The following ANAPC5 variants were observed in gnomAD, a reference collection of about 807,000 sequenced individuals.
ANAPC5 encodes anaphase-promoting complex subunit 5.
In ANAPC5, 60 loss-of-function variants were observed where a neutral mutation model predicts 91.3. The ratio of observed to expected loss-of-function variants is 0.66; its 90% CI spans 0.53 to 0.81. The LOEUF is 0.81. Ranked by LOEUF, ANAPC5 falls within the 40% of genes least tolerant of loss-of-function variation. The pLI is 0.00. For synonymous variants in ANAPC5, 340 were observed against 364.1 expected (o/e 0.93, Z 0.75); for missense variants, 690 against 931.5 (o/e 0.74, Z 3.37).
Position 121,345,970 on chromosome 12 carries a change from T to C in ANAPC5, c.459A>G (p.Lys153=). The change falls in exon 4 of 17, where the codon AAA becomes AAG. Residue 153 remains lysine (K), a synonymous_variant. Coordinates refer to ENST00000261819, the MANE Select transcript of ANAPC5 (RefSeq NM_016237.5). ...AGTACTGCTGAAGGGCAGTGTACAG[T>C]TTAAACACTTGGCTGAAAGAAAGCT... ...YSKLSFSQVF[K]LYTALQQYFQ... is the part of the protein sequence containing the mutation. 6.2e-7 allele frequency: 1 copy of C among 1,612,692 alleles called. No homozygotes were observed.
In ANAPC5 at chr12:121,309,774, A is replaced by C; in HGVS notation, c.1983T>G (p.Gly661=). The change falls in exon 16 of 17, where the codon GGT becomes GGG. Residue 661 remains glycine (G), a synonymous_variant. Transcript: ENST00000261819. ...ACTTGGCCACTAAGAACATGGCACG[A>C]CCTTTGTCCAGGATAGCCCCGTCAG... The part of the protein sequence containing the change: ...ILADGAILDK[G]RAMFLVAKCQ... 1 of 1,614,162 alleles carries C rather than the reference A, an allele frequency of 6.2e-7. No individual in the cohort carries two copies. Among genetic ancestry groups the C allele is most frequent in the Non-Finnish European group, 8.5e-7 (1 of 1,180,030 alleles).
At chr12:121,322,671 A>G (rs77154669) in intron 11 of ANAPC5, among the ~76,000 whole-genome samples, 7,283 of 152,276 alleles carry the variant, frequency 0.048, 411 homozygotes, top group East Asian at 0.14. Context: ...AAATGCTACA[A>G]TGAATATCTT....
chr12:121,348,648 G>C (rs1356333761), intron 1 of ANAPC5, among the ~76,000 whole-genome samples: 1 of 152,064 alleles, frequency 6.6e-6, no homozygotes, highest in Non-Finnish European at 1.5e-5. Flanking sequence ...CTGGGCGACA[G>C]AGCAAGACTC....
rs1903489873 is a variant in ANAPC5 at position 121,342,299 on chromosome 12, T to C, written c.591-230A>G. Among the ~76,000 whole-genome samples the C allele has an allele frequency of 6.6e-6, 1 of 152,140 alleles. No individual in the cohort carries two copies. Among genetic ancestry groups the C allele is most frequent in the Non-Finnish European group, 1.5e-5 (1 of 68,028 alleles). On this transcript the variant is annotated intron_variant, in intron 4 of 16. Transcript: ENST00000261819. The surrounding 1 kb of genome is among the most constrained non-coding windows in gnomAD (Gnocchi z 4.1). ...TTTTTGGCAACAGTGCCAAGACCAT[T>C]TGATAGGGAAAGGACAGCCTTTCCA...
intron 15 of ANAPC5, among the ~76,000 whole-genome samples, chr12:121,311,289 C>T (rs1902159678): frequency 6.6e-6 from 1 of 152,012 alleles, no homozygotes; most frequent in Non-Finnish European, 1.5e-5. Context: ...CACAAATCAG[C>T]TGAAAGTAAA....
chr12:121,352,465 G>A (rs1357838346), upstream of ANAPC5: 3 of 776,438 alleles, frequency 3.9e-6, no homozygotes, highest in Non-Finnish European at 6.1e-6. Flanking sequence ...ACATCCGCGT[G>A]CTCGCGGCAT....
chr12:121,345,048 A>T lies in ANAPC5; in HGVS notation c.590+791T>A, dbSNP rs574994774. 3.9e-5 allele frequency among the ~76,000 whole-genome samples: 6 copies of T among 152,300 alleles called. No homozygotes were observed. In the East Asian group the frequency reaches 7.7e-4, roughly 20 times the overall value. ...CAGATTTGGTGAGTAGATTTGGTAG[A>T]GATTGGGTGCTTAGACTCCAGGGGT... is the stretch of plus-strand genomic sequence containing the variant. On this transcript the variant is annotated intron_variant, in intron 4 of 16. Transcript: ENST00000261819.
intron 15 of ANAPC5, among the ~76,000 whole-genome samples, chr12:121,314,622 C>G (rs559397774): frequency 9.3e-5 from 14 of 150,500 alleles, no homozygotes; most frequent in Non-Finnish European, 1.6e-4. Flanking sequence ...TAAGGACATA[C>G]ACTTTTTTTT....
chr12:121,352,394 ACAAGGCACAACACTACCGGGTCTACATCT>A (rs1903939220), exon 1 of ANAPC5: 1 of 1,397,804 alleles, frequency 7.2e-7, no homozygotes, highest in Non-Finnish European at 9.9e-7. Context: ...AGTTGTCACC[ACAAGGCACAACACTACCGGGTCTACATCT>A]CCGCCCGCCC....
intron 7 of ANAPC5, chr12:121,334,708 T>C (rs1406192277): frequency 1.3e-5 from 2 of 152,232 alleles, no homozygotes; most frequent in Non-Finnish European, 2.9e-5. Flanking sequence ...GAATTCTACC[T>C]GAAAGCAAAC....
chr12:121,314,593 T>C (rs1000707917), intron 15 of ANAPC5, among the ~76,000 whole-genome samples: 1 of 151,428 alleles, frequency 6.6e-6, no homozygotes, highest in South Asian at 2.1e-4. Context: ...CTGAACGCTT[T>C]CCCCCTACAG....
rs185483819 is a variant in ANAPC5, at chr12:121,313,547, G to A, written c.1894-3684C>T. 7.2e-4 allele frequency among the ~76,000 whole-genome samples: 109 copies of A among 152,196 alleles called. 1 individual carries two copies. The highest frequency in any genetic ancestry group is 8.5e-4 in the Admixed American group (13 of 15,272). On this transcript the variant is annotated intron_variant, in intron 15 of 16. Transcript: ENST00000261819. ...AAAAAGAGACAAGACTCAAATAACC[G>A]AAGTCAGGGATGACACTGGGGACTT...
upstream of ANAPC5, among the ~76,000 whole-genome samples, chr12:121,352,715 T>G (rs868927678): frequency 6.7e-3 from 203 of 30,454 alleles, 2 homozygotes; most frequent in Admixed American, 0.011. Context: ...TTGGTTGTTG[T>G]TGTTGGTGGT....
At chr12:121,324,266 T>A (rs1237701666) in intron 11 of ANAPC5, among the ~76,000 whole-genome samples, 1 of 152,074 alleles carries the variant, frequency 6.6e-6, no homozygotes, top group Non-Finnish European at 1.5e-5. Context: ...GTGACAGTCA[T>A]CAGCCCAGTA....
At chr12:121,325,596 G>T (rs1902783944) in intron 11 of ANAPC5, among the ~76,000 whole-genome samples, 1 of 152,034 alleles carries the variant, frequency 6.6e-6, no homozygotes, top group African/African-American at 2.4e-5. Context: ...GCCAGGCATG[G>T]TGGCTCACAT....
At chr12:121,346,818 G>C in intron 3 of ANAPC5, 78 bp downstream of exon 3, 1 of 843,184 alleles carries the variant, frequency 1.2e-6, no homozygotes. Context: ...AGATATAGCA[G>C]AACAATGATA....
At chr12:121,335,506 C>A (rs113720618) in intron 7 of ANAPC5, 27 bp downstream of exon 7, 7 of 1,556,794 alleles carry the variant, frequency 4.5e-6, no homozygotes, top group South Asian at 1.2e-5. Flanking sequence ...CTTCAATTTG[C>A]GCAAGGACAA....
chr12:121,316,367 G>A (rs1902358846), intron 15 of ANAPC5, among the ~76,000 whole-genome samples: 1 of 152,170 alleles, frequency 6.6e-6, no homozygotes, highest in Non-Finnish European at 1.5e-5. Context: ...TGCAGCCACT[G>A]TGGCATTTCC....
rs1902021964 is a variant in ANAPC5 at position 121,308,389 on chromosome 12, T to C, written c.*91A>G. The C allele has an allele frequency of 2.1e-6, 2 of 959,320 alleles. No individual in the cohort carries two copies. Among genetic ancestry groups the C allele is most frequent in the African/African-American group, 1.6e-5 (1 of 61,674 alleles). 59.4% of individuals were successfully genotyped at this position (959,320 alleles called of 1,614,324 possible). A position where few individuals can be genotyped will look rare whatever the true frequency, so the allele number is the denominator to read the frequency against. On this transcript the variant is annotated 3_prime_UTR_variant, in exon 17 of 17. Coordinates refer to ENST00000261819, the MANE Select transcript of ANAPC5 (RefSeq NM_016237.5). The stretch of plus-strand genomic sequence containing the variant: ...AATGCTGTTTATTGACAAGATAGGG[T>C]GTCACAAATACATCATTTATAGGGA...
Sources: gnomAD v4.1 joint callset for allele counts (sites outside exome capture counted in the v4.1 genomes callset) on GRCh38, gnomAD v4.1.1 for gene constraint, Gnocchi (gnomAD v3.1) non-coding constraint, MANE v1.5 for transcripts, NCBI Gene and HGNC (gene_info 2026-07-23, HGNC 2026-07-21) for gene names.